The following AP1AR variants were observed in gnomAD, a reference collection of about 807,000 sequenced individuals.
The protein encoded by AP1AR is adaptor related protein complex 1 associated regulatory protein, also known as AP-1 complex-associated regulatory protein.
A neutral mutation model predicts 46.3 loss-of-function variants in AP1AR; 29 were observed. The observed-to-expected ratio is 0.63, with a 90% CI of 0.47 to 0.85. The LOEUF (loss-of-function observed/expected upper bound fraction) is 0.85. AP1AR is among the 40% of genes least tolerant of loss of function. The probability of loss-of-function intolerance (pLI) is 0.00; values close to 1 mark genes in which losing one functional copy is unlikely to be tolerated. For synonymous variants in AP1AR, 122 were observed against 122.9 expected (o/e 0.99, Z 0.05); for missense variants, 357 against 356.3 (o/e 1.00, Z -0.02).
chr4:112,234,622 T>A (rs968891617), intron 1 of AP1AR, among the ~76,000 whole-genome samples: 2 of 152,086 alleles, frequency 1.3e-5, no homozygotes, highest in African/African-American at 4.8e-5. Flanking sequence ...CAGATGGATA[T>A]AGTTACTTGT....
In AP1AR at chr4:112,270,480, C is replaced by G. The variant is rs1017134181; in HGVS notation, c.*2071C>G. On this transcript the variant is annotated 3_prime_UTR_variant, in exon 10 of 10. Coordinates refer to ENST00000274000, the MANE Select transcript of AP1AR (RefSeq NM_018569.6). ...AACTGGGGGCCAATTGACTACTTCTCATAGGTCAGGACAATCCTCTCTGAG... is the reference window on the plus strand; with the variant it reads ...AACTGGGGGCCAATTGACTACTTCTGATAGGTCAGGACAATCCTCTCTGAG... Among the ~76,000 whole-genome samples, 2 of 152,192 alleles carry G rather than the reference C, an allele frequency of 1.3e-5. No homozygotes were observed. Among genetic ancestry groups the G allele is most frequent in the Non-Finnish European group, 1.5e-5 (1 of 68,030 alleles).
At chr4:112,252,575 T>A (rs1263690402) in intron 1 of AP1AR, among the ~76,000 whole-genome samples, 1 of 152,240 alleles carries the variant, frequency 6.6e-6, no homozygotes, top group African/African-American at 2.4e-5. Context: ...TGACTACATA[T>A]AAGTTTAATA....
intron 1 of AP1AR, among the ~76,000 whole-genome samples, chr4:112,244,681 A>G (rs899527227): frequency 6.6e-6 from 1 of 152,064 alleles, no homozygotes; most frequent in Non-Finnish European, 1.5e-5. Flanking sequence ...ATGCAGTGTT[A>G]TATTGATTTT....
intron 2 of AP1AR, among the ~76,000 whole-genome samples, chr4:112,254,324 G>A (rs1001472079): frequency 6.6e-5 from 10 of 152,162 alleles, no homozygotes; most frequent in African/African-American, 1.4e-4. Flanking sequence ...AAATATAAAC[G>A]TGGGGAAATT....
Position 112,268,253 on chromosome 4 carries a change from C to T in AP1AR, c.753C>T (p.Ala251=), listed in dbSNP as rs1434823603. Residue 251 remains alanine, a synonymous_variant, in exon 10 of 10, where the codon GCC becomes GCT. Transcript: ENST00000274000. ...NKKTGSNPTS[A]SDDSNGLEWE... ...AGACTGGAAGTAATCCTACATCAGC[C>T]TCTGATGATTCCAATGGGCTGGAGT... is the stretch of plus-strand genomic sequence containing the variant. The T allele has an allele frequency of 2.5e-6, 4 of 1,613,024 alleles. No homozygotes were observed. In the Admixed American group the frequency reaches 5.0e-5, roughly 20 times the overall value.
At chr4:112,264,083 T>TC (rs1299420313) in intron 6 of AP1AR, among the ~76,000 whole-genome samples, 2 of 152,330 alleles carry the variant, frequency 1.3e-5, no homozygotes, top group Non-Finnish European at 2.9e-5. Flanking sequence ...TTCATTTTTT[T>TC]CCCTCTCTCT....
rs1474363123 is a variant in AP1AR at position 112,270,288 on chromosome 4, G to A, written c.*1879G>A. Among the ~76,000 whole-genome samples, 1 of 152,172 alleles carries A rather than the reference G, an allele frequency of 6.6e-6. No homozygotes were observed. Among genetic ancestry groups the A allele is most frequent in the Admixed American group, 6.6e-5 (1 of 15,264 alleles). ...TATTGGAATAGTATTTAATATTATT[G>A]GAACTGTGTCTGGTGGGTGTTAGGG... is the stretch of plus-strand genomic sequence containing the variant. On this transcript the variant is annotated 3_prime_UTR_variant, in exon 10 of 10. Coordinates refer to ENST00000274000, the MANE Select transcript of AP1AR (RefSeq NM_018569.6).
At chr4:112,245,241 TA>T (rs1725675629) in intron 1 of AP1AR, among the ~76,000 whole-genome samples, 1 of 152,184 alleles carries the variant, frequency 6.6e-6, no homozygotes, top group Non-Finnish European at 1.5e-5. Context: ...CAATTAAACT[TA>T]TTTTTTTCTT....
At chr4:112,232,954 T>C (rs28475372) in intron 1 of AP1AR, among the ~76,000 whole-genome samples, 45,856 of 152,044 alleles carry the variant, frequency 0.3, 7,126 homozygotes, top group East Asian at 0.43. Flanking sequence ...ATAATTCCGT[T>C]TTTGTGTTTT....
chr4:112,241,742 C>A (rs906437787), intron 1 of AP1AR, among the ~76,000 whole-genome samples: 5 of 152,198 alleles, frequency 3.3e-5, no homozygotes, highest in African/African-American at 1.2e-4. Flanking sequence ...ACTGCTATCC[C>A]TACCTGGAAA....
intron 1 of AP1AR, among the ~76,000 whole-genome samples, chr4:112,235,851 CTCTT>C (rs1462077730): frequency 1.3e-5 from 2 of 152,160 alleles, no homozygotes; most frequent in Non-Finnish European, 2.9e-5. Context: ...AACAACTTGA[CTCTT>C]TATTCTGTGT....
chr4:112,260,824 GA>G lies in AP1AR; in HGVS notation c.249del (p.Lys83AsnfsTer13). 1 of 1,605,020 alleles carries G rather than the reference GA, an allele frequency of 6.2e-7. No homozygotes were observed. Among genetic ancestry groups the G allele is most frequent in the Non-Finnish European group, 8.5e-7 (1 of 1,175,698 alleles). Reference protein sequence around the residue: ...LRERHYDSIAEKQKDLDKKIQ... With the variant: ...LRERHYDSIAXKQKDLDKKIQ... ...AGAAAGGCATTATGATTCCATTGCC[GA>G]AAAACAAAAAGATCTTGATAAGAAA... On this transcript the variant is annotated frameshift_variant, in exon 5 of 10. Transcript: ENST00000274000. LOFTEE classifies it high-confidence loss of function.
chr4:112,264,393 T>C (rs1521476), intron 6 of AP1AR, among the ~76,000 whole-genome samples: 3 of 151,864 alleles, frequency 2.0e-5, no homozygotes, highest in Non-Finnish European at 4.4e-5. Context: ...AGACATACAC[T>C]GACACCCACC....
intron 1 of AP1AR, among the ~76,000 whole-genome samples, chr4:112,237,713 C>T (rs1460231540): frequency 1.3e-5 from 2 of 152,042 alleles, no homozygotes; most frequent in African/African-American, 4.8e-5. Context: ...CATACCTCAG[C>T]CTCCCAAAGT....
intron 1 of AP1AR, among the ~76,000 whole-genome samples, chr4:112,246,551 G>A (rs1005121034): frequency 4.6e-5 from 7 of 152,324 alleles, no homozygotes; most frequent in Non-Finnish European, 1.0e-4. Flanking sequence ...AACCACATTG[G>A]TGATTTCGTC....
In AP1AR at chr4:112,270,317, T is replaced by C. The variant is rs1726897366; in HGVS notation, c.*1908T>C. 6.6e-6 allele frequency among the ~76,000 whole-genome samples: 1 copy of C among 152,208 alleles called. No individual in the cohort carries two copies. The highest frequency in any genetic ancestry group is 1.5e-5 in the Non-Finnish European group (1 of 68,030). On this transcript the variant is annotated 3_prime_UTR_variant, in exon 10 of 10. Coordinates refer to ENST00000274000, the MANE Select transcript of AP1AR (RefSeq NM_018569.6). Reference sequence around the variant, plus strand: ...CTGTGTCTGGTGGGTGTTAGGGACATAGAAGTACAAAGACATATAAGGTCT... The same window carrying C: ...CTGTGTCTGGTGGGTGTTAGGGACACAGAAGTACAAAGACATATAAGGTCT...
intron 1 of AP1AR, among the ~76,000 whole-genome samples, chr4:112,245,486 T>A (rs1031654687): frequency 2.0e-5 from 3 of 152,192 alleles, no homozygotes; most frequent in African/African-American, 4.8e-5. Flanking sequence ...TTAGATACTT[T>A]ACGTAATTTT....
Position 112,269,224 on chromosome 4 carries a change from G to A in AP1AR, c.*815G>A, listed in dbSNP as rs1366453636. 2 of 152,082 alleles carry A rather than the reference G, an allele frequency of 1.3e-5. No homozygotes were observed. The highest frequency in any genetic ancestry group is 3.0e-5 in the Non-Finnish European group (2 of 67,772). The allele number at this position is 152,082 out of a possible 1,614,324, so 9.4% of individuals were successfully genotyped here. On this transcript the variant is annotated 3_prime_UTR_variant, in exon 10 of 10. Transcript: ENST00000274000. ...AAATTCTATATTTCCAATGAACGAT[G>A]TTAGATTTTACACAGAACATATTCT...
At chr4:112,237,142 C>T (rs2110464985) in intron 1 of AP1AR, among the ~76,000 whole-genome samples, 1 of 152,286 alleles carries the variant, frequency 6.6e-6, no homozygotes, top group East Asian at 1.9e-4. Context: ...GAATCTTGCC[C>T]TGTTGCCCAA....
Sources: allele counts gnomAD v4.1 joint callset (sites outside exome capture counted in the v4.1 genomes callset), GRCh38; gene constraint gnomAD v4.1.1; transcripts MANE v1.5; gene names NCBI Gene and HGNC (gene_info 2026-07-23, HGNC 2026-07-21).